The following ARHGAP10 variants were observed in gnomAD, a reference collection of about 807,000 sequenced individuals.
ARHGAP10 encodes the protein Rho GTPase activating protein 10.
ARHGAP10 carries 87 observed loss-of-function variants against 108.6 expected under a neutral mutation model. The observed-to-expected ratio is 0.80, with a 90% confidence interval of 0.67 to 0.96. The LOEUF is 0.96. Ranked by LOEUF, ARHGAP10 falls within the 40% of genes least tolerant of loss-of-function variation. The pLI is 0.00. For synonymous variants in ARHGAP10, 347 were observed against 341.1 expected (o/e 1.02, Z -0.19); for missense variants, 939 against 954.5 (o/e 0.98, Z 0.21).
intron 14 of ARHGAP10, chr4:147,946,095 G>A (rs1738368062): frequency 6.6e-6 from 1 of 152,354 alleles, no homozygotes; most frequent in Admixed American, 6.5e-5. Flanking sequence ...TTTTTACCGT[G>A]GGCATGTATA....
intron 18 of ARHGAP10, among the ~76,000 whole-genome samples, chr4:147,989,430 CTGGGAGCGGTA>C (rs1303749669): frequency 1.3e-5 from 2 of 152,180 alleles, no homozygotes; most frequent in East Asian, 3.8e-4. Flanking sequence ...CCTAATAAGC[CTGGGAGCGGTA>C]TGGGAGACTG....
chr4:147,951,403 A>ATT (rs33957234), intron 15 of ARHGAP10, among the ~76,000 whole-genome samples: 1 of 133,790 alleles, frequency 7.5e-6, no homozygotes, highest in African/African-American at 2.8e-5. Context: ...GGTATAGTTG[A>ATT]TTTTTTTTTT....
chr4:147,796,318 G>C (rs940082168), intron 1 of ARHGAP10, among the ~76,000 whole-genome samples: 1 of 152,030 alleles, frequency 6.6e-6, no homozygotes, highest in Non-Finnish European at 1.5e-5. Context: ...ACAAACACAC[G>C]TGTACTTACC....
At chr4:147,954,290 T>G (rs559299469) in intron 15 of ARHGAP10, among the ~76,000 whole-genome samples, 116 of 152,110 alleles carry the variant, frequency 7.6e-4, no homozygotes, top group African/African-American at 1.5e-3. Flanking sequence ...AACAGAGAGG[T>G]GTTTAACTCT....
chr4:147,870,349 C>A (rs951634222), intron 7 of ARHGAP10, among the ~76,000 whole-genome samples: 2 of 152,194 alleles, frequency 1.3e-5, no homozygotes, highest in Non-Finnish European at 2.9e-5. Flanking sequence ...GCGTGAGCCA[C>A]CGCGCCCGGC....
intron 19 of ARHGAP10, among the ~76,000 whole-genome samples, chr4:148,037,900 C>A (rs1728452826): frequency 6.6e-6 from 1 of 151,306 alleles, no homozygotes; most frequent in Admixed American, 6.6e-5. Context: ...TCTTAAAATT[C>A]AATTGTTGGT....
intron 19 of ARHGAP10, among the ~76,000 whole-genome samples, chr4:148,029,995 C>T (rs1423177081): frequency 1.7e-5 from 2 of 115,814 alleles, no homozygotes; most frequent in Non-Finnish European, 3.5e-5. Context: ...GGCTCAGCAT[C>T]CCCCCCCCCA....
At chr4:147,870,740 C>T (rs1321108442) in intron 7 of ARHGAP10, among the ~76,000 whole-genome samples, 1 of 152,052 alleles carries the variant, frequency 6.6e-6, no homozygotes, top group Non-Finnish European at 1.5e-5. Flanking sequence ...TGATTTCTGT[C>T]TCCCGAAGAA....
intron 14 of ARHGAP10, among the ~76,000 whole-genome samples, chr4:147,945,162 A>G (rs1738323475): frequency 6.6e-6 from 1 of 152,142 alleles, no homozygotes; most frequent in South Asian, 2.1e-4. Context: ...TGAGTGTACC[A>G]GCCCAGAGTT....
At chr4:147,831,536 C>A (rs1454241279) in intron 3 of ARHGAP10, among the ~76,000 whole-genome samples, 2 of 152,216 alleles carry the variant, frequency 1.3e-5, no homozygotes, top group Non-Finnish European at 2.9e-5. Context: ...TTGGCAGGCA[C>A]ATTCAGAATG....
chr4:147,835,427 C>T (rs1733128041), intron 3 of ARHGAP10, among the ~76,000 whole-genome samples: 1 of 152,188 alleles, frequency 6.6e-6, no homozygotes, highest in East Asian at 1.9e-4. Flanking sequence ...GGCTGGAGTG[C>T]AGTGGCAGGA....
intron 3 of ARHGAP10, among the ~76,000 whole-genome samples, chr4:147,838,413 T>G: frequency 6.6e-6 from 1 of 152,006 alleles, no homozygotes; most frequent in East Asian, 1.9e-4. Flanking sequence ...GAGGCTGTAG[T>G]GATCTGTTAT....
At chr4:147,740,016 G>T (rs1037695992) in intron 1 of ARHGAP10, among the ~76,000 whole-genome samples, 10 of 149,052 alleles carry the variant, frequency 6.7e-5, no homozygotes, top group Non-Finnish European at 1.5e-4. Context: ...GATTACAGGT[G>T]TGAGCCACTG....
chr4:147,737,415 A>T (rs1728468104), intron 1 of ARHGAP10, among the ~76,000 whole-genome samples: 1 of 149,194 alleles, frequency 6.7e-6, no homozygotes, highest in Non-Finnish European at 1.5e-5. Flanking sequence ...TCGGCCTCCC[A>T]AAGTGCTGGG....
intron 1 of ARHGAP10, among the ~76,000 whole-genome samples, chr4:147,791,536 G>A (rs912524371): frequency 2.6e-5 from 4 of 151,910 alleles, no homozygotes; most frequent in East Asian, 1.9e-4. Flanking sequence ...GTGTGTGTGC[G>A]CGCGCGTGCG....
At chr4:147,761,162 A>G (rs1236906495) in intron 1 of ARHGAP10, among the ~76,000 whole-genome samples, 3 of 151,770 alleles carry the variant, frequency 2.0e-5, no homozygotes, top group Non-Finnish European at 2.9e-5. Context: ...GATTACAGGC[A>G]TGCACCACCA....
At chr4:147,785,846 A>G (rs985612746) in intron 1 of ARHGAP10, among the ~76,000 whole-genome samples, 1 of 152,144 alleles carries the variant, frequency 6.6e-6, no homozygotes, top group South Asian at 2.1e-4. Flanking sequence ...CTCATAGTTG[A>G]CTTAAGTGAT....
chr4:147,911,377 G>A (rs1308624059), intron 12 of ARHGAP10, among the ~76,000 whole-genome samples: 1 of 152,082 alleles, frequency 6.6e-6, no homozygotes, highest in African/African-American at 2.4e-5. Context: ...TGTCGTTGTT[G>A]TTGGAGACAG....
At chr4:147,945,760 C>T (rs1250697209) in intron 14 of ARHGAP10, among the ~76,000 whole-genome samples, 1 of 152,092 alleles carries the variant, frequency 6.6e-6, no homozygotes, top group African/African-American at 2.4e-5. Flanking sequence ...GATTTTTTTG[C>T]TCCTTGGTTC....
Sources: allele counts gnomAD v4.1 joint callset (sites outside exome capture counted in the v4.1 genomes callset), GRCh38; gene constraint gnomAD v4.1.1; transcripts MANE v1.5; gene names NCBI Gene and HGNC (gene_info 2026-07-23, HGNC 2026-07-21).